Variants in WWOX observed in about 807,000 individuals in gnomAD.
WWOX encodes the protein WW domain containing oxidoreductase, also known as WW domain-containing oxidoreductase.
In WWOX, 69 loss-of-function variants were observed where a neutral mutation model predicts 46.2. The observed-to-expected ratio is 1.49, with a 90% CI of 1.23 to 1.82. The LOEUF (loss-of-function observed/expected upper bound fraction) is 1.82. WWOX is among the 40% of genes most tolerant of loss of function. WWOX has a pLI of 0.00. For synonymous variants in WWOX, 359 were observed against 202.6 expected (o/e 1.77, Z -6.56); for missense variants, 919 against 542.6 (o/e 1.69, Z -6.89).
At chr16:78,600,376 C>T (rs948888619) in intron 8 of WWOX, among the ~76,000 whole-genome samples, 1 of 152,138 alleles carries the variant, frequency 6.6e-6, no homozygotes, top group African/African-American at 2.4e-5. Flanking sequence ...ATGACGGAAA[C>T]AGCCCCCCAG....
intron 8 of WWOX, among the ~76,000 whole-genome samples, chr16:79,168,934 A>G (rs1459389779): frequency 6.6e-6 from 1 of 152,242 alleles, no homozygotes; most frequent in African/African-American, 2.4e-5. Flanking sequence ...TTTTCCTTAT[A>G]CAAACTATCT....
intron 8 of WWOX, among the ~76,000 whole-genome samples, chr16:78,839,664 G>T (rs921203314): frequency 3.9e-5 from 6 of 152,068 alleles, no homozygotes; most frequent in African/African-American, 1.2e-4. Flanking sequence ...GGGTGGGGAG[G>T]GGGTAGAATA....
intron 8 of WWOX, among the ~76,000 whole-genome samples, chr16:79,185,397 A>T (rs1385236771): frequency 6.6e-6 from 1 of 152,196 alleles, no homozygotes; most frequent in Non-Finnish European, 1.5e-5. Flanking sequence ...AAGAGGTAAT[A>T]CTTGAAAGTG....
intron 8 of WWOX, among the ~76,000 whole-genome samples, chr16:78,494,352 G>A (rs2151465667): frequency 6.6e-6 from 1 of 152,236 alleles, no homozygotes; most frequent in East Asian, 1.9e-4. Flanking sequence ...GACGTGGGTG[G>A]GGACACAGAG....
intron 6 of WWOX, among the ~76,000 whole-genome samples, chr16:78,414,287 C>T (rs913075461): frequency 2.0e-4 from 30 of 152,228 alleles, no homozygotes; most frequent in African/African-American, 6.8e-4. Context: ...AGCTTTATTG[C>T]TCACACAAAG....
chr16:78,590,065 C>T (rs2045314353), intron 8 of WWOX, among the ~76,000 whole-genome samples: 2 of 151,904 alleles, frequency 1.3e-5, no homozygotes, highest in African/African-American at 4.8e-5. Flanking sequence ...AGTCAATAAG[C>T]TATGATGCCT....
At chr16:78,205,297 A>G (rs1168197775) in intron 5 of WWOX, among the ~76,000 whole-genome samples, 1 of 152,152 alleles carries the variant, frequency 6.6e-6, no homozygotes, top group African/African-American at 2.4e-5. Flanking sequence ...AAACAGAAAA[A>G]ATGCCACCAA....
At chr16:79,030,776 C>A (rs1240131047) in intron 8 of WWOX, among the ~76,000 whole-genome samples, 1 of 152,070 alleles carries the variant, frequency 6.6e-6, no homozygotes, top group East Asian at 1.9e-4. Flanking sequence ...TAAATGCAGA[C>A]TGATATTCTG....
At chr16:78,979,109 G>A (rs1418289908) in intron 8 of WWOX, among the ~76,000 whole-genome samples, 12 of 141,058 alleles carry the variant, frequency 8.5e-5, no homozygotes, top group Non-Finnish European at 1.2e-4. Context: ...TCCCTATACA[G>A]ACACAGGAAG....
At chr16:78,100,229 G>A in intron 1 of WWOX, 1 of 1,149,460 alleles carries the variant, frequency 8.7e-7, no homozygotes, top group South Asian at 2.2e-5. Flanking sequence ...CAGGCTCTGG[G>A]TTGCAGGGAT....
intron 8 of WWOX, among the ~76,000 whole-genome samples, chr16:78,814,254 C>G (rs1167644875): frequency 6.6e-6 from 1 of 152,154 alleles, no homozygotes; most frequent in Non-Finnish European, 1.5e-5. Flanking sequence ...AATTTTTCAT[C>G]TTTCTGGAAT....
intron 8 of WWOX, among the ~76,000 whole-genome samples, chr16:78,746,711 G>C (rs1364011230): frequency 6.6e-6 from 1 of 151,704 alleles, no homozygotes; most frequent in Non-Finnish European, 1.5e-5. Flanking sequence ...CTTTTCTTCA[G>C]CTTGGGCTGC....
In WWOX at chr16:78,149,143, A is replaced by G. The variant is rs576318222; in HGVS notation, c.410-15040A>G. ...AAGTGCTGGGATTATACTTTGAGCC[A>G]CTGTGCCTGGCTGGCCTTTGTGTTG... On this transcript the variant is annotated intron_variant, in intron 4 of 8. Transcript: ENST00000566780. Among the ~76,000 whole-genome samples the G allele has an allele frequency of 3.2e-4, 48 of 152,170 alleles. 1 individual carries two copies. In the South Asian group the frequency reaches 9.5e-3, roughly 30 times the overall value.
At chr16:79,015,876 C>T (rs771889523) in intron 8 of WWOX, among the ~76,000 whole-genome samples, 1 of 152,142 alleles carries the variant, frequency 6.6e-6, no homozygotes, top group Non-Finnish European at 1.5e-5. Flanking sequence ...CTCAGACTCC[C>T]GAGTAGCTGG....
chr16:78,345,027 T>C (rs1420198928), intron 5 of WWOX, among the ~76,000 whole-genome samples: 1 of 119,714 alleles, frequency 8.4e-6, no homozygotes, highest in Non-Finnish European at 2.0e-5. Context: ...CTTGATAAGA[T>C]GGTTGTGGAA....
intron 5 of WWOX, among the ~76,000 whole-genome samples, chr16:78,335,749 G>T (rs969987898): frequency 6.6e-6 from 1 of 152,134 alleles, no homozygotes; most frequent in South Asian, 2.1e-4. Context: ...ACTCATGTTC[G>T]TGTGGTTCTG....
chr16:78,648,873 T>G (rs2142136895), intron 8 of WWOX, among the ~76,000 whole-genome samples: 1 of 152,368 alleles, frequency 6.6e-6, no homozygotes, highest in East Asian at 1.9e-4. Context: ...TGGGTTCCCT[T>G]TGTTTATTTT....
At chr16:78,867,484 T>TTGTG (rs4035599) in intron 8 of WWOX, among the ~76,000 whole-genome samples, 24,535 of 148,854 alleles carry the variant, frequency 0.16, 2,060 homozygotes, top group Non-Finnish European at 0.2. Context: ...TTAAATGATT[T>TTGTG]TGTGTGTGTG....
At chr16:78,601,767 G>A (rs368119273) in intron 8 of WWOX, among the ~76,000 whole-genome samples, 9 of 152,304 alleles carry the variant, frequency 5.9e-5, no homozygotes, top group East Asian at 5.8e-4. Context: ...TAATGGTATT[G>A]TTAGCAGGCT....
Sources: allele counts gnomAD v4.1 joint callset (sites outside exome capture counted in the v4.1 genomes callset), GRCh38; gene constraint gnomAD v4.1.1; transcripts MANE v1.5; gene names NCBI Gene and HGNC (gene_info 2026-07-23, HGNC 2026-07-21).